YAE1: variants seen among roughly 807,000 people sequenced by gnomAD.
The protein encoded by YAE1 is YAE1 maturation factor of ABCE1.
Under a neutral mutation model 23.0 loss-of-function variants are expected in YAE1, and 22 were observed. The observed-to-expected ratio is 0.96, with a 90% CI of 0.68 to 1.37. The LOEUF (loss-of-function observed/expected upper bound fraction) is 1.37, where lower values mean the gene tolerates loss of function less well. Among genes scored for constraint, YAE1 ranks in the 40% most tolerant of loss-of-function variants. The pLI is 0.00. For missense variants in YAE1, 260 were observed against 262.1 expected (o/e 0.99, Z 0.06); for synonymous variants, 101 against 97.0 (o/e 1.04, Z -0.24).
At chr7:39,590,472 T>A (rs1790886399) in intron 2 of YAE1, among the ~76,000 whole-genome samples, 1 of 152,200 alleles carries the variant, frequency 6.6e-6, no homozygotes, top group South Asian at 2.1e-4. Context: ...CTGACTCCAA[T>A]GCTGTTGAGT....
At chr7:39,573,178 CTG>C (rs1488747839), downstream of YAE1, among the ~76,000 whole-genome samples, 9 of 152,032 alleles carry the variant, frequency 5.9e-5, no homozygotes, top group African/African-American at 1.9e-4. Flanking sequence ...AATTAAGAGA[CTG>C]TGAGAAACTG....
chr7:39,598,393 G>C (rs1172387583), intron 2 of YAE1, among the ~76,000 whole-genome samples: 1 of 148,310 alleles, frequency 6.7e-6, no homozygotes, highest in Non-Finnish European at 1.5e-5. Flanking sequence ...ACAGGCATAA[G>C]CCACCGCACC....
intron 2 of YAE1, among the ~76,000 whole-genome samples, chr7:39,596,324 C>T (rs570470877): frequency 3.3e-5 from 5 of 152,192 alleles, no homozygotes; most frequent in Admixed American, 3.3e-4. Context: ...TCTCCTGCCT[C>T]AGCCTCCCAG....
chr7:39,590,440 A>G (rs1328715542), intron 2 of YAE1, among the ~76,000 whole-genome samples: 1 of 152,200 alleles, frequency 6.6e-6, no homozygotes, highest in Non-Finnish European at 1.5e-5. Context: ...ATAAAGAGCT[A>G]AGAGGATAAA....
Position 39,572,864 on chromosome 7 carries a change from A to AAT in YAE1, c.*159_*160dup. 1 of 1,321,704 alleles carries AAT rather than the reference A, an allele frequency of 7.6e-7. No individual in the cohort carries two copies. The highest frequency in any genetic ancestry group is 9.7e-7 in the Non-Finnish European group (1 of 1,035,938). 81.9% of individuals were successfully genotyped at this position (1,321,704 alleles called of 1,614,324 possible). On this transcript the variant is annotated 3_prime_UTR_variant, in exon 3 of 3. Coordinates refer to ENST00000223273, the MANE Select transcript of YAE1 (RefSeq NM_020192.5). Reference sequence around the variant, plus strand: ...ATTGTCTTCAAAATTAACACTATTAAATGTAATATAAGCCTTTTTTCTTTG... The same window carrying AAT: ...ATTGTCTTCAAAATTAACACTATTAAATATGTAATATAAGCCTTTTTTCTTTG...
intron 2 of YAE1, among the ~76,000 whole-genome samples, chr7:39,591,981 T>C (rs1790906961): frequency 6.6e-6 from 1 of 152,236 alleles, no homozygotes; most frequent in Non-Finnish European, 1.5e-5. Context: ...GCAATATGCA[T>C]TTAAGTTTTC....
At chr7:39,592,241 C>G (rs910455295) in intron 2 of YAE1, among the ~76,000 whole-genome samples, 3 of 151,702 alleles carry the variant, frequency 2.0e-5, no homozygotes, top group African/African-American at 7.3e-5. Flanking sequence ...ATGTTTAGTC[C>G]TTAAAGAAAC....
chr7:39,605,451 A>T (rs1362347044), intron 2 of YAE1, among the ~76,000 whole-genome samples: 1 of 152,234 alleles, frequency 6.6e-6, no homozygotes, highest in East Asian at 1.9e-4. Context: ...TGAATAGAAC[A>T]GAAGACTGAT....
chr7:39,607,917 C>T (rs1791154551), intron 2 of YAE1, among the ~76,000 whole-genome samples: 1 of 152,194 alleles, frequency 6.6e-6, no homozygotes, highest in African/African-American at 2.4e-5. Flanking sequence ...GATCCACCTG[C>T]CTTGGCCTCC....
At chr7:39,609,902 C>A in exon 3 of YAE1, 6 of 1,531,162 alleles carry the variant, frequency 3.9e-6, no homozygotes, top group Non-Finnish European at 5.2e-6. Context: ...CAGCCTGCCC[C>A]GCCTGGCCGC....
intron 2 of YAE1, among the ~76,000 whole-genome samples, chr7:39,591,323 A>G (rs967459464): frequency 6.6e-6 from 1 of 152,190 alleles, no homozygotes; most frequent in Non-Finnish European, 1.5e-5. Context: ...TTGTTTCAGC[A>G]TTGGCCTGGG....
intron 2 of YAE1, 65 bp downstream of exon 2, chr7:39,570,692 T>A: frequency 1.3e-6 from 2 of 1,519,206 alleles, no homozygotes; most frequent in Non-Finnish European, 1.8e-6. Context: ...TGTTTCTGTA[T>A]AAATAAAGTG....
At chr7:39,592,485 G>T (rs914550203) in intron 2 of YAE1, among the ~76,000 whole-genome samples, 2 of 151,990 alleles carry the variant, frequency 1.3e-5, no homozygotes, top group African/African-American at 2.4e-5. Context: ...ATCTGTGATG[G>T]ATTTAACCCA....
At chr7:39,586,255 C>A (rs1196015405) in intron 2 of YAE1, among the ~76,000 whole-genome samples, 1 of 151,368 alleles carries the variant, frequency 6.6e-6, no homozygotes, top group African/African-American at 2.4e-5. Context: ...TCACTGCAAC[C>A]TCCACCTCCC....
chr7:39,609,556 A>G, intron 2 of YAE1: 1 of 1,494,376 alleles, frequency 6.7e-7, no homozygotes, highest in South Asian at 1.2e-5. Flanking sequence ...GAATGGGGAA[A>G]GTTGTGGGGA....
intron 2 of YAE1, among the ~76,000 whole-genome samples, chr7:39,599,872 A>G (rs1791031397): frequency 6.6e-6 from 1 of 152,128 alleles, no homozygotes; most frequent in Admixed American, 6.5e-5. Flanking sequence ...TACAGGCGTC[A>G]GCCACCGTGC....
Position 39,572,853 on chromosome 7 carries a change from T to C in YAE1, c.*147T>C. ...AAATTAACACTATTGTCTTCAAAAT[T>C]AACACTATTAAATGTAATATAAGCC... On this transcript the variant is annotated 3_prime_UTR_variant, in exon 3 of 3. Coordinates refer to ENST00000223273, the MANE Select transcript of YAE1 (RefSeq NM_020192.5). 1.5e-6 allele frequency: 2 copies of C among 1,359,146 alleles called. No individual in the cohort carries two copies. Among genetic ancestry groups the C allele is most frequent in the Non-Finnish European group, 1.9e-6 (2 of 1,057,718 alleles). 84.2% of individuals were successfully genotyped at this position (1,359,146 alleles called of 1,614,324 possible). A position where few individuals can be genotyped will look rare whatever the true frequency, so the allele number is the denominator to read the frequency against.
chr7:39,588,784 A>G (rs1426562928), intron 2 of YAE1, among the ~76,000 whole-genome samples: 1 of 151,696 alleles, frequency 6.6e-6, no homozygotes, highest in African/African-American at 2.4e-5. Context: ...TTGATTTTAG[A>G]ATTTACTTTA....
At chr7:39,602,343 G>A (rs1036680744) in intron 2 of YAE1, among the ~76,000 whole-genome samples, 19 of 152,186 alleles carry the variant, frequency 1.2e-4, no homozygotes, top group African/African-American at 4.6e-4. Flanking sequence ...ACACAATGTG[G>A]CTTCCTTAAT....
Sources: allele counts gnomAD v4.1 joint callset (sites outside exome capture counted in the v4.1 genomes callset), GRCh38; gene constraint gnomAD v4.1.1; transcripts MANE v1.5; gene names NCBI Gene and HGNC (gene_info 2026-07-23, HGNC 2026-07-21).